The following CCDC62 variants were observed in gnomAD, a reference collection of about 807,000 sequenced individuals.
CCDC62 encodes the protein coiled-coil domain containing 62.
CCDC62 carries 72 observed loss-of-function variants against 80.8 expected under a neutral mutation model. That is an observed-to-expected ratio of 0.89 (90% CI 0.74 to 1.08). The LOEUF is 1.08. Among genes scored for constraint, CCDC62 ranks in the 50% least tolerant of loss-of-function variants. The pLI, the probability that CCDC62 is intolerant of heterozygous loss-of-function variation, is 0.00. For synonymous variants in CCDC62, 286 were observed against 296.5 expected (o/e 0.96, Z 0.36); for missense variants, 704 against 809.4 (o/e 0.87, Z 1.58).
At chr12:122,804,882 ATTTT>A (rs35218710) in intron 9 of CCDC62, among the ~76,000 whole-genome samples, 2 of 104,520 alleles carry the variant, frequency 1.9e-5, no homozygotes, top group African/African-American at 3.5e-5. Flanking sequence ...ACTTGGTTCC[ATTTT>A]TTTTTTTTTT....
chr12:122,774,808 G>A (rs955327587), intron 1 of CCDC62, 102 bp downstream of exon 1: 15 of 947,766 alleles, frequency 1.6e-5, no homozygotes, highest in Non-Finnish European at 1.9e-5. Context: ...ATGTGAAACA[G>A]GCCGGGCGCG....
chr12:122,804,207 G>A (rs762552526), intron 9 of CCDC62, among the ~76,000 whole-genome samples: 14 of 152,330 alleles, frequency 9.2e-5, no homozygotes, highest in Non-Finnish European at 1.9e-4. Context: ...AGGGAAGGAA[G>A]CAGTTCTAGT....
intron 5 of CCDC62, among the ~76,000 whole-genome samples, chr12:122,789,437 C>T (rs759531708): frequency 2.6e-5 from 4 of 152,074 alleles, no homozygotes; most frequent in Non-Finnish European, 4.4e-5. Flanking sequence ...TTATTTTTGC[C>T]GATTTATTTA....
At chr12:122,778,109 G>A (rs1311546772) in intron 2 of CCDC62, among the ~76,000 whole-genome samples, 3 of 152,066 alleles carry the variant, frequency 2.0e-5, no homozygotes, top group African/African-American at 7.2e-5. Flanking sequence ...GCTCACACCT[G>A]TAATTCCAGC....
At chr12:122,777,410 A>G (rs1035079805) in intron 1 of CCDC62, 81 bp from the exon 2 acceptor site, 12 of 1,200,266 alleles carry the variant, frequency 1.0e-5, no homozygotes, top group South Asian at 1.5e-5. Flanking sequence ...AAAAGAAGAT[A>G]TACTTATTTG....
Position 122,781,175 on chromosome 12 carries a change from A to G in CCDC62, c.241A>G (p.Lys81Glu). The G allele has an allele frequency of 1.2e-6, 2 of 1,612,998 alleles. No individual in the cohort carries two copies. Among genetic ancestry groups the G allele is most frequent in the Non-Finnish European group, 1.7e-6 (2 of 1,179,628 alleles). The stretch of plus-strand genomic sequence containing the variant: ...TGAACTTCCCTCAGGTGAACTACAT[A>G]AAAGAACTGAAATAATCAGGTCACT... ...RCSKLEGELH[K>E]RTEIIRSLTK... The change falls in exon 3 of 13, where the codon AAA becomes GAA. Residue 81 changes from lysine (K) to glutamate (E), a missense_variant. Physicochemically the swap from Lys to Glu is moderately conservative, Grantham distance 56. Transcript: ENST00000253079.
chr12:122,820,920 G>T (rs1297549513), intron 11 of CCDC62, among the ~76,000 whole-genome samples: 1 of 152,046 alleles, frequency 6.6e-6, no homozygotes, highest in Non-Finnish European at 1.5e-5. Context: ...TAAAAGCACA[G>T]AGGACTGGAA....
intron 11 of CCDC62, among the ~76,000 whole-genome samples, chr12:122,822,922 T>C (rs1425135861): frequency 1.3e-5 from 2 of 152,126 alleles, no homozygotes; most frequent in African/African-American, 2.4e-5. Flanking sequence ...GCAGTGAACA[T>C]GGAGTGGAGT....
intron 6 of CCDC62, among the ~76,000 whole-genome samples, chr12:122,792,607 C>T (rs1277816423): frequency 1.3e-5 from 2 of 151,902 alleles, no homozygotes; most frequent in East Asian, 3.9e-4. Flanking sequence ...CAACCTCTGC[C>T]TCCCAGGTTC....
intron 9 of CCDC62, among the ~76,000 whole-genome samples, chr12:122,803,228 G>A (rs987790908): frequency 3.9e-5 from 6 of 152,112 alleles, no homozygotes; most frequent in Admixed American, 2.0e-4. Context: ...CTGCCTTTGT[G>A]TTCATTCATT....
chr12:122,816,680 C>T lies in CCDC62; in HGVS notation c.2001+3261C>T, dbSNP rs541215077. On this transcript the variant is annotated intron_variant, in intron 11 of 12. Transcript: ENST00000253079. ...CCTGGGAGGTCAAGACTGTGGTGAGCCATGATCTTGCCACTGCATTCCAGC... is the reference window on the plus strand; with the variant it reads ...CCTGGGAGGTCAAGACTGTGGTGAGTCATGATCTTGCCACTGCATTCCAGC... Among the ~76,000 whole-genome samples the T allele has an allele frequency of 5.3e-5, 8 of 152,254 alleles. No homozygotes were observed. The East Asian group carries it at 1.4e-3, about 26-fold the overall frequency.
intron 6 of CCDC62, among the ~76,000 whole-genome samples, chr12:122,795,312 A>C (rs2030871098): frequency 6.6e-6 from 1 of 152,086 alleles, no homozygotes; most frequent in South Asian, 2.1e-4. Flanking sequence ...CGGCCTCCCA[A>C]AGTGTTAGGA....
chr12:122,797,404 C>A lies in CCDC62; in HGVS notation c.861+9C>A. The A allele has an allele frequency of 6.7e-7, 1 of 1,483,426 alleles. No homozygotes were observed. The highest frequency in any genetic ancestry group is 1.1e-5 in the South Asian group (1 of 87,550). The allele number at this position is 1,483,426 out of a possible 1,614,324, so 91.9% of individuals were successfully genotyped here. On this transcript the variant is annotated intron_variant, in intron 7 of 12. Coordinates refer to ENST00000253079, the MANE Select transcript of CCDC62 (RefSeq NM_201435.5). Reference sequence around the variant, plus strand: ...TGCACAATCTGAGACAGGTATGTCCCCAATCATCCTTCTCTGTCACATAAG... The same window carrying A: ...TGCACAATCTGAGACAGGTATGTCCACAATCATCCTTCTCTGTCACATAAG...
chr12:122,785,292 T>A (rs1566070406), intron 3 of CCDC62, among the ~76,000 whole-genome samples: 1 of 152,248 alleles, frequency 6.6e-6, no homozygotes, highest in East Asian at 1.9e-4. Flanking sequence ...GAATATTTTT[T>A]AAATTCACAC....
intron 11 of CCDC62, among the ~76,000 whole-genome samples, chr12:122,822,284 T>A (rs2032440570): frequency 6.6e-6 from 1 of 151,932 alleles, no homozygotes; most frequent in Non-Finnish European, 1.5e-5. Flanking sequence ...TTTCGTCTTT[T>A]TAGTAGAGAC....
chr12:122,775,673 C>G (rs779021304), intron 1 of CCDC62, among the ~76,000 whole-genome samples: 23 of 152,270 alleles, frequency 1.5e-4, no homozygotes, highest in Admixed American at 5.9e-4. Flanking sequence ...AGTACAGTGA[C>G]GCAATGTCGG....
rs542590389 is a variant in CCDC62, at chr12:122,801,409, C to G, written c.1263C>G (p.Pro421=). ...WSLGGKTQIE[P]ENKITLCKIH... is the part of the protein sequence containing the mutation. The stretch of plus-strand genomic sequence containing the variant: ...TGGGAGGAAAAACCCAGATTGAACC[C>G]GAAAACAAAATTACATTGTGCAAGA... Residue 421 remains proline (P), a synonymous_variant, in exon 9 of 13, where the codon CCC becomes CCG. Coordinates refer to ENST00000253079, the MANE Select transcript of CCDC62 (RefSeq NM_201435.5). 3.7e-6 allele frequency: 6 copies of G among 1,613,496 alleles called. No individual in the cohort carries two copies. The highest frequency in any genetic ancestry group is 1.3e-5 in the African/African-American group (1 of 74,688).
Position 122,774,602 on chromosome 12 carries a change from G to C in CCDC62, c.-69G>C. Reference sequence around the variant, plus strand: ...GGGCTCGCCCCCGCCGCTCGGGGCAGGCGCGCCGATGGCGTTTCTGAGGTG... The same window carrying C: ...GGGCTCGCCCCCGCCGCTCGGGGCACGCGCGCCGATGGCGTTTCTGAGGTG... On this transcript the variant is annotated 5_prime_UTR_variant, in exon 1 of 13. Coordinates refer to ENST00000253079, the MANE Select transcript of CCDC62 (RefSeq NM_201435.5). The C allele has an allele frequency of 8.5e-7, 1 of 1,173,956 alleles. No homozygotes were observed. Among genetic ancestry groups the C allele is most frequent in the Non-Finnish European group, 1.1e-6 (1 of 925,760 alleles). 72.7% of individuals were successfully genotyped at this position (1,173,956 alleles called of 1,614,324 possible).
At chr12:122,812,781 A>C (rs55779986) in intron 10 of CCDC62, among the ~76,000 whole-genome samples, 3 of 83,092 alleles carry the variant, frequency 3.6e-5, no homozygotes, top group African/African-American at 1.5e-4. Context: ...GAGAGAGAGA[A>C]AGAAAGAAAG....
Sources: gnomAD v4.1 joint callset for allele counts (sites outside exome capture counted in the v4.1 genomes callset) on GRCh38, gnomAD v4.1.1 for gene constraint, MANE v1.5 for transcripts, NCBI Gene and HGNC (gene_info 2026-07-23, HGNC 2026-07-21) for gene names.